XIRP2: variants seen among roughly 807,000 people sequenced by gnomAD.
XIRP2 encodes the protein xin actin binding repeat containing 2.
In XIRP2, 236 loss-of-function variants were observed where a neutral mutation model predicts 277.0. That is an observed-to-expected ratio of 0.85 (90% CI 0.77 to 0.95). XIRP2 has a LOEUF of 0.95. Ranked by LOEUF, XIRP2 falls within the 40% of genes least tolerant of loss-of-function variation. The pLI, the probability that XIRP2 is intolerant of heterozygous loss-of-function variation, is 0.00. For missense variants in XIRP2, 4,640 were observed against 4,157.5 expected (o/e 1.12, Z -3.19); for synonymous variants, 1,490 against 1,416.5 (o/e 1.05, Z -1.17).
chr2:167,025,721 T>A (rs1054145429), intron 2 of XIRP2, among the ~76,000 whole-genome samples: 21 of 152,172 alleles, frequency 1.4e-4, no homozygotes, highest in African/African-American at 5.1e-4. Flanking sequence ...TACCCAGTAG[T>A]CATTCAGGAG....
At position 167,210,717 on chromosome 2, in the gene XIRP2, T is replaced by C. The variant is rs1179253054; in HGVS notation, c.563-18T>C. On this transcript the variant is annotated intron_variant, in intron 3 of 10. Coordinates refer to ENST00000409195, the MANE Select transcript of XIRP2 (RefSeq NM_152381.6). Reference sequence around the variant, plus strand: ...AAAGCTTAACACACATGTGTAAGCATGCTCTGTTTGCTTTCAGCGACTGCT... The same window carrying C: ...AAAGCTTAACACACATGTGTAAGCACGCTCTGTTTGCTTTCAGCGACTGCT... 6.2e-7 allele frequency: 1 copy of C among 1,613,946 alleles called. No homozygotes were observed. The highest frequency in any genetic ancestry group is 1.7e-5 in the Admixed American group (1 of 60,028).
rs964107757 is a variant in XIRP2, at chr2:166,996,778, G to A, written c.408+92888G>A. Among the ~76,000 whole-genome samples, 5 of 151,874 alleles carry A rather than the reference G, an allele frequency of 3.3e-5. No individual in the cohort carries two copies. The East Asian group carries it at 5.8e-4, about 18-fold the overall frequency. On this transcript the variant is annotated intron_variant, in intron 2 of 10. Coordinates refer to ENST00000409195, the MANE Select transcript of XIRP2 (RefSeq NM_152381.6). Reference sequence around the variant, plus strand: ...TGCTGGGTTGAGCACCCCTTCTTACGACCACTCCAGTGCACAACACACACA... The same window carrying A: ...TGCTGGGTTGAGCACCCCTTCTTACAACCACTCCAGTGCACAACACACACA...
At position 167,244,545 on chromosome 2, in the gene XIRP2, T is replaced by C; in HGVS notation, c.3153T>C (p.Asn1051=). ...CTGCTCAAGAAATACAGACTGGAAA[T>C]GTGAAATCTGCCAAATGGTTGTTTG... ...GISAQEIQTG[N]VKSAKWLFET... Residue 1051 remains asparagine (N), a synonymous_variant, in exon 9 of 11, where the codon AAT becomes AAC. Transcript: ENST00000409195. 1.2e-6 allele frequency: 2 copies of C among 1,613,074 alleles called. No individual in the cohort carries two copies. The highest frequency in any genetic ancestry group is 1.7e-6 in the Non-Finnish European group (2 of 1,179,584).
At chr2:167,151,608 T>C (rs1692018150) in intron 3 of XIRP2, among the ~76,000 whole-genome samples, 2 of 152,194 alleles carry the variant, frequency 1.3e-5, no homozygotes, top group Admixed American at 1.3e-4. Flanking sequence ...TCCCAACTTT[T>C]ATTGTCTGGC....
In XIRP2 at chr2:167,259,232, AAC is replaced by A. The variant is rs1315900164; in HGVS notation, c.*1419_*1420del. The A allele has an allele frequency of 6.2e-7, 1 of 1,613,458 alleles. No homozygotes were observed. Among genetic ancestry groups the A allele is most frequent in the Admixed American group, 1.7e-5 (1 of 59,930 alleles). On this transcript the variant is annotated 3_prime_UTR_variant, in exon 11 of 11. Coordinates refer to ENST00000409195, the MANE Select transcript of XIRP2 (RefSeq NM_152381.6). ...AACAGAAGCTGCCCGCAATAATGAA[AAC>A]ACAGGTTTTGATGCTCTGAGCCATG...
chr2:167,095,700 G>T (rs1574250952), intron 2 of XIRP2, among the ~76,000 whole-genome samples: 1 of 152,078 alleles, frequency 6.6e-6, no homozygotes. Flanking sequence ...TTAAAGTGCT[G>T]CTGGATTCGG....
intron 2 of XIRP2, among the ~76,000 whole-genome samples, chr2:167,076,840 G>C (rs1689584762): frequency 6.6e-6 from 1 of 151,916 alleles, no homozygotes; most frequent in Non-Finnish European, 1.5e-5. Context: ...TTTGGTTTTG[G>C]GGGGATTTTG....
At chr2:167,192,140 A>C (rs754232187) in intron 3 of XIRP2, among the ~76,000 whole-genome samples, 3 of 152,208 alleles carry the variant, frequency 2.0e-5, no homozygotes, top group Non-Finnish European at 4.4e-5. Flanking sequence ...TGTGGACTGA[A>C]TATCAAATAA....
At chr2:166,944,826 T>C (rs1197559715) in intron 2 of XIRP2, among the ~76,000 whole-genome samples, 1 of 152,062 alleles carries the variant, frequency 6.6e-6, no homozygotes, top group African/African-American at 2.4e-5. Context: ...TTAAGTAAAA[T>C]AAATGGGGCC....
At position 167,240,339 on chromosome 2, in the gene XIRP2, C is replaced by T. The variant is rs1388303491; in HGVS notation, c.970-325C>T. Among the ~76,000 whole-genome samples the T allele has an allele frequency of 2.0e-5, 3 of 151,980 alleles. No homozygotes were observed. The East Asian group carries it at 5.8e-4, about 29-fold the overall frequency. On this transcript the variant is annotated intron_variant, in intron 6 of 10. Transcript: ENST00000409195. ...CTGAGGCAGGAGAATCACGTGAACC[C>T]GGGAGGCGGAGGTTGCAGTGAGCCG... is the stretch of plus-strand genomic sequence containing the variant.
intron 5 of XIRP2, among the ~76,000 whole-genome samples, chr2:167,225,592 C>A (rs980524002): frequency 2.0e-5 from 3 of 152,074 alleles, no homozygotes; most frequent in African/African-American, 7.2e-5. Context: ...TCACATAGAC[C>A]TTTCTGCAGA....
intron 3 of XIRP2, among the ~76,000 whole-genome samples, chr2:167,140,527 C>T (rs972249385): frequency 2.6e-5 from 4 of 152,154 alleles, no homozygotes; most frequent in African/African-American, 7.2e-5. Context: ...TCCCCTCTAA[C>T]GAGACTCAGA....
chr2:167,148,286 G>T (rs1691914154), intron 3 of XIRP2, among the ~76,000 whole-genome samples: 1 of 151,710 alleles, frequency 6.6e-6, no homozygotes, highest in South Asian at 2.1e-4. Context: ...GGAAGCTGAG[G>T]CAGGAGAATC....
At chr2:167,064,881 AT>A (rs1374437332) in intron 2 of XIRP2, among the ~76,000 whole-genome samples, 1 of 151,828 alleles carries the variant, frequency 6.6e-6, no homozygotes, top group Non-Finnish European at 1.5e-5. Flanking sequence ...TATATACCTC[AT>A]TTTGTTGATC....
At chr2:167,235,561 G>A (rs922521782) in intron 5 of XIRP2, among the ~76,000 whole-genome samples, 1 of 151,896 alleles carries the variant, frequency 6.6e-6, no homozygotes, top group Non-Finnish European at 1.5e-5. Context: ...ACAGAGTTCT[G>A]TTAAAGGAGA....
At position 166,994,794 on chromosome 2, in the gene XIRP2, AATG is replaced by A. The variant is rs1481367957; in HGVS notation, c.408+90911_408+90913del. On this transcript the variant is annotated intron_variant, in intron 2 of 10. Coordinates refer to ENST00000409195, the MANE Select transcript of XIRP2 (RefSeq NM_152381.6). ...TCAGTAACTGTACTATGGTTATGTA[AATG>A]ATGATGTCATTAGGGGAAACTAGTT... Among the ~76,000 whole-genome samples the A allele has an allele frequency of 2.6e-5, 4 of 151,992 alleles. No homozygotes were observed. In the South Asian group the frequency reaches 6.2e-4, roughly 24 times the overall value.
chr2:167,098,966 A>T (rs1690409405), intron 2 of XIRP2, among the ~76,000 whole-genome samples: 1 of 152,150 alleles, frequency 6.6e-6, no homozygotes, highest in Admixed American at 6.5e-5. Flanking sequence ...GCTCTCCTGT[A>T]TGAGGTGTCT....
intron 2 of XIRP2, among the ~76,000 whole-genome samples, chr2:167,083,187 T>C (rs1689798231): frequency 6.6e-6 from 1 of 152,134 alleles, no homozygotes; most frequent in South Asian, 2.1e-4. Context: ...CCAGCACCAT[T>C]TATTAAATAG....
chr2:167,157,471 A>G (rs915095713), intron 3 of XIRP2, among the ~76,000 whole-genome samples: 12 of 152,164 alleles, frequency 7.9e-5, no homozygotes, highest in Non-Finnish European at 1.8e-4. Flanking sequence ...ATGAACCAAA[A>G]GGGAGAAGCG....
Sources: gnomAD v4.1 joint callset for allele counts (sites outside exome capture counted in the v4.1 genomes callset) on GRCh38, gnomAD v4.1.1 for gene constraint, MANE v1.5 for transcripts, NCBI Gene and HGNC (gene_info 2026-07-23, HGNC 2026-07-21) for gene names.